PLSCR2: variants seen among roughly 807,000 people sequenced by gnomAD.
PLSCR2 encodes the protein PL scramblase 2.
Under a neutral mutation model 25.3 loss-of-function variants are expected in PLSCR2, and 18 were observed. The ratio of observed to expected loss-of-function variants is 0.71; its 90% CI spans 0.49 to 1.06. The LOEUF (loss-of-function observed/expected upper bound fraction) is 1.06, where lower values mean the gene tolerates loss of function less well. Among genes scored for constraint, PLSCR2 ranks in the 50% least tolerant of loss-of-function variants. The pLI is 0.00. For missense variants in PLSCR2, 243 were observed against 269.5 expected, an observed-to-expected ratio of 0.90 and a Z score of 0.69; for synonymous variants, 88 against 87.3, an observed-to-expected ratio of 1.01 and a Z score of -0.04.
At chr3:146,458,322 G>A (rs999665083) in intron 3 of PLSCR2, 89 bp downstream of exon 3, 110 of 1,136,894 alleles carry the variant, frequency 9.7e-5, no homozygotes, top group African/African-American at 1.6e-4. Flanking sequence ...CACATCACTC[G>A]GAATGCTATA....
chr3:146,490,056 T>G (rs1210663287), intron 1 of PLSCR2, among the ~76,000 whole-genome samples: 2 of 152,094 alleles, frequency 1.3e-5, no homozygotes, highest in Admixed American at 1.3e-4. Flanking sequence ...GATCTTTTCA[T>G]GTAGACCATA....
At chr3:146,423,283 C>CTCTCTCTCCG (rs2039223901) in intron 2 of PLSCR2, among the ~76,000 whole-genome samples, 1 of 75,474 alleles carries the variant, frequency 1.3e-5, no homozygotes, top group Non-Finnish European at 3.0e-5. Context: ...CTCTCTCTCT[C>CTCTCTCTCCG]CCTGGCTAGA....
At chr3:146,463,774 A>G (rs1173843632), upstream of PLSCR2, 2 of 647,960 alleles carry the variant, frequency 3.1e-6, no homozygotes, top group Non-Finnish European at 3.8e-6. Flanking sequence ...AAATAAGTCA[A>G]CTGATCCCTC....
intron 6 of PLSCR2, among the ~76,000 whole-genome samples, chr3:146,444,486 G>A (rs2040427688): frequency 6.6e-6 from 1 of 151,406 alleles, no homozygotes; most frequent in Non-Finnish European, 1.5e-5. Flanking sequence ...ACATCTTCTT[G>A]CAAAATTGAC....
At chr3:146,494,717 G>C (rs181354272) in intron 1 of PLSCR2, 1 of 152,286 alleles carries the variant, frequency 6.6e-6, no homozygotes, top group Admixed American at 6.5e-5. Flanking sequence ...TCAAAGAATA[G>C]TAATAATCAC....
chr3:146,469,290 C>A (rs898559508), intron 1 of PLSCR2: 20 of 985,588 alleles, frequency 2.0e-5, no homozygotes, highest in Non-Finnish European at 2.4e-5. Context: ...GTCATTCGAA[C>A]GGTTCTGGTG....
At chr3:146,431,973 A>G (rs780076799), downstream of PLSCR2, among the ~76,000 whole-genome samples, 1 of 151,502 alleles carries the variant, frequency 6.6e-6, no homozygotes, top group Admixed American at 6.6e-5. Context: ...CTTTTATCCC[A>G]TTACTGATGA....
chr3:146,416,998 C>A (rs766932692), intron 2 of PLSCR2, among the ~76,000 whole-genome samples: 42 of 152,104 alleles, frequency 2.8e-4, no homozygotes, highest in Non-Finnish European at 3.2e-4. Flanking sequence ...GTAAACATGG[C>A]AACATTTTGT....
chr3:146,493,783 G>GTT (rs34986699), intron 1 of PLSCR2, among the ~76,000 whole-genome samples: 1,990 of 54,836 alleles, frequency 0.036, 164 homozygotes, highest in African/African-American at 0.045. Context: ...CCAAGGTGGC[G>GTT]TTTTTTTTTT....
chr3:146,466,157 A>C (rs2041854250), intron 1 of PLSCR2, among the ~76,000 whole-genome samples: 1 of 152,192 alleles, frequency 6.6e-6, no homozygotes, highest in Non-Finnish European at 1.5e-5. Context: ...AGGCTTTTAC[A>C]GTTTTGTTTG....
intron 1 of PLSCR2, among the ~76,000 whole-genome samples, chr3:146,494,293 A>G (rs772163334): frequency 1.1e-4 from 17 of 152,152 alleles, no homozygotes; most frequent in Non-Finnish European, 1.8e-4. Context: ...TGTCACATCT[A>G]TGTATAATGG....
chr3:146,481,589 C>A (rs1283609733), intron 1 of PLSCR2, among the ~76,000 whole-genome samples: 1 of 152,148 alleles, frequency 6.6e-6, no homozygotes, highest in African/African-American at 2.4e-5. Context: ...AGGACACAAA[C>A]AAATGGAAGA....
intron 1 of PLSCR2, among the ~76,000 whole-genome samples, chr3:146,483,335 G>C (rs968475990): frequency 6.7e-6 from 1 of 149,052 alleles, no homozygotes; most frequent in South Asian, 2.1e-4. Context: ...AAATGTAAAT[G>C]ACGAGTTGAT....
intron 1 of PLSCR2, among the ~76,000 whole-genome samples, chr3:146,466,980 CA>C (rs1324258875): frequency 6.6e-6 from 1 of 152,014 alleles, no homozygotes; most frequent in Non-Finnish European, 1.5e-5. Context: ...CTAGGATAGG[CA>C]AAACTTTTTT....
At position 146,474,238 on chromosome 3, in the gene PLSCR2, A is replaced by G. The variant is rs115935520; in HGVS notation, c.-292-13954T>C. ...ATTTTTGTTCTTTCCACAATTTCTT[A>G]CTCAAAACATGCTATCTTTTTTTAT... On this transcript the variant is annotated intron_variant, in intron 1 of 8. Transcript: ENST00000336685. Among the ~76,000 whole-genome samples the G allele has an allele frequency of 3.9e-3, 598 of 152,232 alleles. 2 individuals are homozygous for G. Among genetic ancestry groups the G allele is most frequent in the African/African-American group, 0.014 (585 of 41,540 alleles).
intron 2 of PLSCR2, among the ~76,000 whole-genome samples, chr3:146,412,224 T>G (rs1204651891): frequency 6.6e-6 from 1 of 152,146 alleles, no homozygotes; most frequent in Non-Finnish European, 1.5e-5. Flanking sequence ...AGGCTGCAGT[T>G]GCTTGTTAGA....
intron 2 of PLSCR2, chr3:146,415,147 A>C (rs745759829): frequency 1.3e-5 from 2 of 152,646 alleles, no homozygotes. Flanking sequence ...CAAAATGTTG[A>C]CACACTGTTA....
intron 2 of PLSCR2, among the ~76,000 whole-genome samples, chr3:146,397,443 C>A (rs553353599): frequency 6.7e-4 from 102 of 152,186 alleles, no homozygotes; most frequent in African/African-American, 2.4e-3. Context: ...AGTTCTGGCC[C>A]TGTAACTAGC....
At chr3:146,447,656 G>T (rs2040633961) in intron 6 of PLSCR2, among the ~76,000 whole-genome samples, 2 of 152,238 alleles carry the variant, frequency 1.3e-5, no homozygotes, top group South Asian at 4.1e-4. Context: ...CTGGAGTTGG[G>T]GAAGGGGTGA....
Sources: allele counts gnomAD v4.1 joint callset (sites outside exome capture counted in the v4.1 genomes callset), GRCh38; gene constraint gnomAD v4.1.1; transcripts MANE v1.5; gene names NCBI Gene and HGNC (gene_info 2026-07-23, HGNC 2026-07-21).